Variants in DDX43 observed in about 807,000 individuals in gnomAD.
DDX43 encodes probable ATP-dependent RNA helicase DDX43.
A neutral mutation model predicts 84.9 loss-of-function variants in DDX43; 50 were observed. That is an observed-to-expected ratio of 0.59 (90% CI 0.47 to 0.75). The LOEUF is 0.75. Among genes scored for constraint, DDX43 ranks in the 30% least tolerant of loss-of-function variants. The probability of loss-of-function intolerance (pLI) is 0.00; values close to 1 mark genes in which losing one functional copy is unlikely to be tolerated. For synonymous variants in DDX43, 291 were observed against 266.3 expected (o/e 1.09, Z -0.90); for missense variants, 689 against 798.6 (o/e 0.86, Z 1.65).
intron 11 of DDX43, among the ~76,000 whole-genome samples, chr6:73,412,638 AGTGTGT>A (rs66577187): frequency 0.042 from 2,505 of 59,464 alleles, 79 homozygotes; most frequent in East Asian, 0.096. Context: ...ATATATATAT[AGTGTGT>A]GTGTGTGTGT....
chr6:73,413,669 A>G lies in DDX43; in HGVS notation c.1380A>G (p.Ser460=), dbSNP rs769334307. The change falls in exon 12 of 17, where the codon TCA becomes TCG. Residue 460 remains serine (S), a synonymous_variant. Transcript: ENST00000370336. ...VGTLDLVAVS[S]VKQNIIVTTE... is the part of the protein sequence containing the mutation. The stretch of plus-strand genomic sequence containing the variant: ...TTTGAATCCTTTAGGCTGTAAGTTC[A>G]GTGAAGCAAAATATAATTGTAACCA... 7 of 1,613,524 alleles carry G rather than the reference A, an allele frequency of 4.3e-6. No homozygotes were observed. The Admixed American group carries it at 8.3e-5, about 19-fold the overall frequency.
intron 3 of DDX43, among the ~76,000 whole-genome samples, chr6:73,401,574 G>A (rs1317276091): frequency 6.6e-6 from 1 of 152,070 alleles, no homozygotes; most frequent in African/African-American, 2.4e-5. Context: ...AAGCCAAGGT[G>A]GGTGGATCAC....
chr6:73,410,894 A>G (rs1442085391), intron 10 of DDX43, among the ~76,000 whole-genome samples: 2 of 152,008 alleles, frequency 1.3e-5, no homozygotes, highest in Non-Finnish European at 2.9e-5. Flanking sequence ...AACCTTTTAA[A>G]AGATTTTTAT....
Position 73,407,611 on chromosome 6 carries a change from C to T in DDX43, c.1033C>T (p.Arg345Trp), listed in dbSNP as rs749946933. The change falls in exon 8 of 17, where the codon CGG becomes TGG. Residue 345 changes from arginine (R) to tryptophan (W), a missense_variant. Coordinates refer to ENST00000370336, the MANE Select transcript of DDX43 (RefSeq NM_018665.3). ...TTGCAAATATTCATATAAAGGGCTT[C>T]GGAGGTAAGTAATTTTTTTTCCCAT... ...ECCKYSYKGL[R>W]SVCVYGGGNR... 23 of 1,599,832 alleles carry T rather than the reference C, an allele frequency of 1.4e-5. No individual in the cohort carries two copies. Among genetic ancestry groups the T allele is most frequent in the Admixed American group, 8.5e-5 (5 of 59,168 alleles).
rs768616722 is a variant in DDX43, at chr6:73,409,341, A to AT, written c.1274dup (p.Met425IlefsTer82). 6.2e-7 allele frequency: 1 copy of AT among 1,612,742 alleles called. No individual in the cohort carries two copies. The highest frequency in any genetic ancestry group is 8.5e-7 in the Non-Finnish European group (1 of 1,178,736). On this transcript the variant is annotated frameshift_variant, in exon 10 of 17. Transcript: ENST00000370336. LOFTEE classifies it high-confidence loss of function. ...TGTGCGCCCAGATAGGCAGACAGTT[A>AT]TGACCAGGTACGTATATGCTTAATT... is the stretch of plus-strand genomic sequence containing the variant.
At position 73,404,705 on chromosome 6, in the gene DDX43, A is replaced by C; in HGVS notation, c.584A>C (p.Lys195Thr). 1.9e-6 allele frequency: 3 copies of C among 1,612,042 alleles called. No individual in the cohort carries two copies. Among genetic ancestry groups the C allele is most frequent in the Non-Finnish European group, 2.5e-6 (3 of 1,179,526 alleles). The part of the protein sequence containing the change: ...KTKWADLPPI[K>T]KNFYKESTAT... ...TTTGTCCCAGATTTACCACCAATTAAGAAAAACTTTTATAAAGAGTCCACT... is the reference window on the plus strand; with the variant it reads ...TTTGTCCCAGATTTACCACCAATTACGAAAAACTTTTATAAAGAGTCCACT... The change falls in exon 5 of 17, where the codon AAG (lysine) becomes ACG (threonine). Residue 195 changes from lysine to threonine, a missense_variant. Coordinates refer to ENST00000370336, the MANE Select transcript of DDX43 (RefSeq NM_018665.3).
chr6:73,396,853 A>C (rs1769484059), intron 1 of DDX43, among the ~76,000 whole-genome samples: 1 of 152,230 alleles, frequency 6.6e-6, no homozygotes, highest in East Asian at 1.9e-4. Context: ...TTCTCTAAGA[A>C]TAATATCCTC....
intron 11 of DDX43, among the ~76,000 whole-genome samples, chr6:73,412,668 T>TGTGTGTGTGCGTGC (rs538597626): frequency 9.2e-6 from 1 of 108,396 alleles, no homozygotes; most frequent in Non-Finnish European, 1.8e-5. Context: ...TGTGTGTGTG[T>TGTGTGTGTGCGTGC]GCGCGCGCGC....
chr6:73,406,084 T>C (rs909593072), intron 6 of DDX43, among the ~76,000 whole-genome samples: 1 of 150,872 alleles, frequency 6.6e-6, no homozygotes, highest in Non-Finnish European at 1.5e-5. Flanking sequence ...AATGCAGTGG[T>C]GCAATCTCGG....
Position 73,409,286 on chromosome 6 carries a change from T to A in DDX43, c.1218T>A (p.Phe406Leu). 1 of 1,614,180 alleles carries A rather than the reference T, an allele frequency of 6.2e-7. No individual in the cohort carries two copies. Among genetic ancestry groups the A allele is most frequent in the Non-Finnish European group, 8.5e-7 (1 of 1,180,016 alleles). ...CAGACAAGATGTTGGACATGGGATT[T>A]GAACCCCAGATAATGAAGATTTTGT... ...DEADKMLDMGFEPQIMKILLD... is the reference protein window; with the variant it reads ...DEADKMLDMGLEPQIMKILLD... Residue 406 changes from phenylalanine to leucine, a missense_variant, in exon 10 of 17, where the codon TTT becomes TTA. Physicochemically the swap from Phe to Leu is conservative, Grantham distance 22. Coordinates refer to ENST00000370336, the MANE Select transcript of DDX43 (RefSeq NM_018665.3).
At chr6:73,409,046 T>G (rs907769471) in intron 9 of DDX43, among the ~76,000 whole-genome samples, 10 of 152,348 alleles carry the variant, frequency 6.6e-5, no homozygotes, top group African/African-American at 2.4e-4. Context: ...TGGAAGCTAT[T>G]GGAAAGCCAA....
At chr6:73,411,790 T>C (rs1161625217) in intron 10 of DDX43, among the ~76,000 whole-genome samples, 3 of 151,988 alleles carry the variant, frequency 2.0e-5, no homozygotes, top group African/African-American at 7.2e-5. Flanking sequence ...CTCCGCCTCC[T>C]GGGCTCAAGC....
At chr6:73,397,900 C>T (rs1367313900) in intron 2 of DDX43, 156 bp downstream of exon 2, 6 of 518,776 alleles carry the variant, frequency 1.2e-5, no homozygotes, top group African/African-American at 2.0e-5. Context: ...TGGGTTCAAG[C>T]AATTCTCCTG....
intron 3 of DDX43, 46 bp downstream of exon 3, chr6:73,400,409 C>A: frequency 6.5e-7 from 1 of 1,539,430 alleles, no homozygotes; most frequent in South Asian, 1.3e-5. Flanking sequence ...TTTTTAATTT[C>A]ATTCAGTGTT....
intron 4 of DDX43, among the ~76,000 whole-genome samples, chr6:73,403,633 C>T (rs961083127): frequency 6.6e-6 from 1 of 152,062 alleles, no homozygotes; most frequent in East Asian, 1.9e-4. Flanking sequence ...TGATGTCTTA[C>T]AAAGCATGCT....
chr6:73,412,668 TGCGCGCGCGC>T (rs200406044), intron 11 of DDX43, among the ~76,000 whole-genome samples: 162 of 108,126 alleles, frequency 1.5e-3, no homozygotes, highest in East Asian at 2.0e-3. Flanking sequence ...TGTGTGTGTG[TGCGCGCGCGC>T]GTGTGTGTGT....
intron 5 of DDX43, 78 bp downstream of exon 5, chr6:73,404,849 A>G: frequency 8.9e-7 from 1 of 1,123,798 alleles, no homozygotes; most frequent in Non-Finnish European, 1.3e-6. Context: ...GCAAATGTGA[A>G]ATGATATTTG....
chr6:73,395,154 C>A lies in DDX43; in HGVS notation c.249C>A (p.Ile83=). The A allele has an allele frequency of 6.2e-7, 1 of 1,608,898 alleles. No individual in the cohort carries two copies. The highest frequency in any genetic ancestry group is 1.1e-5 in the South Asian group (1 of 90,580). The change falls in exon 1 of 17, where the codon ATC becomes ATA. Residue 83 remains isoleucine (I), a splice_region_variant and synonymous_variant. Coordinates refer to ENST00000370336, the MANE Select transcript of DDX43 (RefSeq NM_018665.3). The part of the protein sequence containing the change: ...ALKSHFVGAV[I]GRGGSKIKNI... ...AGAGCCACTTTGTTGGCGCGGTAAT[C>A]GGTGAGAATGGGAGTGGCTGGCAGG...
intron 11 of DDX43, among the ~76,000 whole-genome samples, chr6:73,413,002 A>G (rs1769833559): frequency 6.6e-6 from 1 of 152,180 alleles, no homozygotes; most frequent in Non-Finnish European, 1.5e-5. Flanking sequence ...TGCTGGGATT[A>G]CAGGCGTGAG....
Sources: allele counts gnomAD v4.1 joint callset (sites outside exome capture counted in the v4.1 genomes callset), GRCh38; gene constraint gnomAD v4.1.1; transcripts MANE v1.5; gene names NCBI Gene and HGNC (gene_info 2026-07-23, HGNC 2026-07-21).